The following FRMD4A variants were observed in gnomAD, a reference collection of about 807,000 sequenced individuals.
FRMD4A encodes FERM domain containing 4A, also known as FERM domain-containing protein 4A.
Under a neutral mutation model 129.1 loss-of-function variants are expected in FRMD4A, and 29 were observed. The ratio of observed to expected loss-of-function variants is 0.22; its 90% CI spans 0.17 to 0.31. FRMD4A has a LOEUF of 0.31. Ranked by LOEUF, FRMD4A falls within the 10% of genes least tolerant of loss-of-function variation. The probability of loss-of-function intolerance (pLI) is 1.00; values close to 1 mark genes in which losing one functional copy is unlikely to be tolerated. For missense variants in FRMD4A, 1,272 were observed against 1,375.8 expected (o/e 0.92, Z 1.19); for synonymous variants, 634 against 571.6 (o/e 1.11, Z -1.56).
intron 2 of FRMD4A, among the ~76,000 whole-genome samples, chr10:14,205,319 C>T (rs983011381): frequency 6.6e-6 from 1 of 152,094 alleles, no homozygotes; most frequent in African/African-American, 2.4e-5. Context: ...AGATGCAGAA[C>T]ATGTCCATCA....
chr10:14,260,490 C>T (rs1257883650), intron 2 of FRMD4A, among the ~76,000 whole-genome samples: 1 of 152,186 alleles, frequency 6.6e-6, no homozygotes. Context: ...CAATCAAAGG[C>T]ATATAAGTCA....
At chr10:13,996,485 A>G (rs1400901740) in intron 2 of FRMD4A, among the ~76,000 whole-genome samples, 1 of 152,214 alleles carries the variant, frequency 6.6e-6, no homozygotes, top group African/African-American at 2.4e-5. Flanking sequence ...AAGAATCGGC[A>G]CAGACTCGTG....
intron 2 of FRMD4A, among the ~76,000 whole-genome samples, chr10:14,186,295 C>T (rs1387064745): frequency 3.9e-5 from 6 of 152,176 alleles, no homozygotes; most frequent in Non-Finnish European, 5.9e-5. Flanking sequence ...TACCACCACA[C>T]GTTTCGTACT....
At chr10:13,933,975 A>C (rs544712334) in intron 2 of FRMD4A, among the ~76,000 whole-genome samples, 2 of 152,346 alleles carry the variant, frequency 1.3e-5, no homozygotes, top group East Asian at 3.9e-4. Flanking sequence ...TATAACTATT[A>C]TGCAGAAAAT....
At chr10:13,659,611 G>T in intron 20 of FRMD4A, 121 bp from the exon 21 acceptor site, 2 of 969,518 alleles carry the variant, frequency 2.1e-6, no homozygotes, top group Non-Finnish European at 3.1e-6. Flanking sequence ...CTCCCACCTC[G>T]CTTGGTCAGA....
At chr10:14,237,382 G>A (rs1280422106) in intron 2 of FRMD4A, among the ~76,000 whole-genome samples, 1 of 152,152 alleles carries the variant, frequency 6.6e-6, no homozygotes, top group African/African-American at 2.4e-5. Flanking sequence ...CCAGGCTGGA[G>A]TGCAATGGCA....
intron 4 of FRMD4A, among the ~76,000 whole-genome samples, chr10:13,797,015 C>T (rs537495196): frequency 3.3e-5 from 5 of 152,288 alleles, no homozygotes; most frequent in South Asian, 2.1e-4. Context: ...CCACTGTGCC[C>T]GGCCACCTTC....
At chr10:13,928,434 G>A (rs1428021428) in intron 2 of FRMD4A, among the ~76,000 whole-genome samples, 2 of 151,606 alleles carry the variant, frequency 1.3e-5, no homozygotes, top group Non-Finnish European at 2.9e-5. Context: ...TCTAATTAAT[G>A]AAAATTAAAT....
intron 2 of FRMD4A, among the ~76,000 whole-genome samples, chr10:14,198,969 G>C (rs1050635714): frequency 1.3e-5 from 2 of 152,264 alleles, no homozygotes; most frequent in Admixed American, 1.3e-4. Flanking sequence ...ATCTTTAAAT[G>C]CTTAGTACAT....
At chr10:14,100,143 A>G (rs932112741) in intron 2 of FRMD4A, among the ~76,000 whole-genome samples, 1 of 152,138 alleles carries the variant, frequency 6.6e-6, no homozygotes, top group African/African-American at 2.4e-5. Flanking sequence ...CTTTATGTCA[A>G]CTTCATTTCC....
chr10:14,211,478 A>G (rs1842931897), intron 2 of FRMD4A, among the ~76,000 whole-genome samples: 1 of 152,220 alleles, frequency 6.6e-6, no homozygotes, highest in African/African-American at 2.4e-5. Flanking sequence ...CAGAAGACAG[A>G]GGTTCAGGTA....
At chr10:13,905,198 C>T (rs971240632) in intron 2 of FRMD4A, among the ~76,000 whole-genome samples, 3 of 152,008 alleles carry the variant, frequency 2.0e-5, no homozygotes, top group Non-Finnish European at 4.4e-5. Context: ...TTTGAAGACT[C>T]CTGAAAGCTT....
At chr10:14,295,931 T>C (rs1477969136) in intron 2 of FRMD4A, among the ~76,000 whole-genome samples, 1 of 152,166 alleles carries the variant, frequency 6.6e-6, no homozygotes, top group East Asian at 1.9e-4. Context: ...GGTGAAACGA[T>C]CTTTTTCGAA....
intron 4 of FRMD4A, among the ~76,000 whole-genome samples, chr10:13,803,226 G>T (rs1001389433): frequency 2.0e-5 from 3 of 151,752 alleles, no homozygotes; most frequent in African/African-American, 7.3e-5. Flanking sequence ...GGTTAAAGTA[G>T]GGTATATACT....
At position 13,715,074 on chromosome 10, in the gene FRMD4A, C is replaced by T. The variant is rs149470636; in HGVS notation, c.760-7961G>A. 2.1e-3 allele frequency among the ~76,000 whole-genome samples: 323 copies of T among 152,062 alleles called. 1 individual carries two copies. The highest frequency in any genetic ancestry group is 7.4e-3 in the African/African-American group (307 of 41,480). ...AATTAAAAAAAAAAATTAGAAGTGC[C>T]GCGCTGCCTCATTCACATATATCTC... is the stretch of plus-strand genomic sequence containing the variant. On this transcript the variant is annotated intron_variant, in intron 12 of 24. Transcript: ENST00000357447.
At chr10:13,958,408 T>C (rs1373442202) in intron 2 of FRMD4A, among the ~76,000 whole-genome samples, 11 of 136,486 alleles carry the variant, frequency 8.1e-5, no homozygotes, top group African/African-American at 3.1e-4. Flanking sequence ...CTCAGCCTCC[T>C]GAGTAGCTGG....
chr10:14,112,240 T>A (rs1421793595), intron 2 of FRMD4A, among the ~76,000 whole-genome samples: 1 of 152,104 alleles, frequency 6.6e-6, no homozygotes, highest in African/African-American at 2.4e-5. Context: ...AAGTCCATGT[T>A]TGAATTTAAT....
rs147170568 is a variant in FRMD4A, at chr10:13,666,259, G to A, written c.1441C>T (p.Arg481Cys). The A allele has an allele frequency of 3.6e-5, 58 of 1,613,944 alleles. No homozygotes were observed. Among genetic ancestry groups the A allele is most frequent in the African/African-American group, 1.5e-4 (11 of 74,898 alleles). Residue 481 changes from arginine to cysteine, a missense_variant, in exon 18 of 25, where the codon CGC becomes TGC. Around this residue, in one of 2 missense-constraint regions of FRMD4A, gnomAD observed 972 missense variants for 892.3 expected, o/e 1.09. Coordinates refer to ENST00000357447, the MANE Select transcript of FRMD4A (RefSeq NM_018027.5). ...IQSQITEAARRLASDPNVSKK... is the reference protein window; with the variant it reads ...IQSQITEAARCLASDPNVSKK... ...CTGACGTTGGGGTCACTGGCTAGGCGGCGGGCGGCCTCCGTAATCTGGGAC... is the reference window on the plus strand; with the variant it reads ...CTGACGTTGGGGTCACTGGCTAGGCAGCGGGCGGCCTCCGTAATCTGGGAC...
At chr10:14,249,036 T>C (rs1464143525) in intron 2 of FRMD4A, among the ~76,000 whole-genome samples, 2 of 152,144 alleles carry the variant, frequency 1.3e-5, no homozygotes, top group African/African-American at 2.4e-5. Context: ...CTTTTACAGA[T>C]GACAAAACTG....
Sources: allele counts gnomAD v4.1 joint callset (sites outside exome capture counted in the v4.1 genomes callset), GRCh38; gene constraint gnomAD v4.1.1; regional missense constraint gnomAD v4.1.1; transcripts MANE v1.5; gene names NCBI Gene and HGNC (gene_info 2026-07-23, HGNC 2026-07-21).